Variants in FRMD7 observed in about 807,000 individuals in gnomAD.
The protein encoded by FRMD7 is FERM domain containing 7.
FRMD7 carries 14 observed loss-of-function variants against 44.1 expected under a neutral mutation model. That is an observed-to-expected ratio of 0.32 (90% CI 0.21 to 0.50). The LOEUF is 0.50. FRMD7 is among the 20% of genes least tolerant of loss of function. The pLI is 0.99. For missense variants in FRMD7, 501 were observed against 522.3 expected (o/e 0.96, Z 0.40); for synonymous variants, 212 against 187.4 (o/e 1.13, Z -1.07).
chrX:132,092,950 T>C (rs1164207225), intron 5 of FRMD7, among the ~76,000 whole-genome samples: 7 of 112,096 alleles, frequency 6.2e-5, no homozygotes, highest in Non-Finnish European at 1.1e-4. Context: ...TATACGTCAC[T>C]TCTTGTCTAA....
intron 1 of FRMD7, among the ~76,000 whole-genome samples, chrX:132,116,447 C>T (rs925291511): frequency 1.8e-5 from 2 of 111,984 alleles, no homozygotes; most frequent in Non-Finnish European, 3.8e-5. Context: ...TCTCTCAGAG[C>T]TCTTACAAGG....
chrX:132,106,560 A>T (rs930984766), intron 1 of FRMD7, among the ~76,000 whole-genome samples: 1 of 111,982 alleles, frequency 8.9e-6, no homozygotes, highest in East Asian at 2.8e-4. Context: ...TACCATAAAG[A>T]CATATGCACA....
rs1212578333 is a variant in FRMD7 at position 132,127,925 on chromosome X, T to C, written c.-81A>G. 1.2e-6 allele frequency: 1 copy of C among 836,675 alleles called. No individual in the cohort carries two copies. The highest frequency in any genetic ancestry group is 3.1e-5 in the East Asian group (1 of 31,997). The allele number at this position is 836,675 out of a possible 1,213,427, so 69.0% of individuals were successfully genotyped here. A position where few individuals can be genotyped will look rare whatever the true frequency, so the allele number is the denominator to read the frequency against. ...CAGGAATTTCACTCCCAGCTGGATG[T>C]GGTGCACTCGGGCCCCCCCACCCCC... On this transcript the variant is annotated 5_prime_UTR_variant, in exon 1 of 12. Transcript: ENST00000298542.
intron 4 of FRMD7, among the ~76,000 whole-genome samples, chrX:132,096,838 A>G (rs780881984): frequency 1.5e-3 from 171 of 111,433 alleles, no homozygotes; most frequent in African/African-American, 5.4e-3. Flanking sequence ...ACATTTTTTC[A>G]TAAGTATTTA....
intron 5 of FRMD7, among the ~76,000 whole-genome samples, chrX:132,090,531 A>G (rs1928135928): frequency 9.0e-6 from 1 of 111,414 alleles, no homozygotes; most frequent in Non-Finnish European, 1.9e-5. Context: ...CAGAAAGCAA[A>G]TTAGTGGTTG....
Position 132,097,254 on chromosome X carries a change from T to G in FRMD7, c.284+12A>C. ...GTAACATCATGCAGAGACACACAGG[T>G]AATCACTATACCTTGTAAGTTCTTC... On this transcript the variant is annotated intron_variant, in intron 4 of 11. Transcript: ENST00000298542. The G allele has an allele frequency of 4.6e-6, 5 of 1,090,476 alleles. No individual in the cohort carries two copies. 89.9% of individuals were successfully genotyped at this position (1,090,476 alleles called of 1,213,427 possible). A position where few individuals can be genotyped will look rare whatever the true frequency, so the allele number is the denominator to read the frequency against.
At chrX:132,123,523 T>A (rs1216035426) in intron 1 of FRMD7, among the ~76,000 whole-genome samples, 1 of 112,319 alleles carries the variant, frequency 8.9e-6, no homozygotes, top group Non-Finnish European at 1.9e-5. Context: ...CACTGTTGAC[T>A]AAACTACAAA....
At chrX:132,122,782 T>G (rs1929066571) in intron 1 of FRMD7, among the ~76,000 whole-genome samples, 1 of 112,237 alleles carries the variant, frequency 8.9e-6, no homozygotes, top group African/African-American at 3.2e-5. Context: ...ATATTTTTAT[T>G]AAATATAGTC....
At chrX:132,111,191 A>G (rs1157177842) in intron 1 of FRMD7, among the ~76,000 whole-genome samples, 1 of 112,317 alleles carries the variant, frequency 8.9e-6, no homozygotes, top group African/African-American at 3.2e-5. Flanking sequence ...AAAAATAAAT[A>G]TAAAAATTTA....
intron 1 of FRMD7, among the ~76,000 whole-genome samples, chrX:132,103,590 C>T (rs1321425147): frequency 5.4e-5 from 6 of 111,293 alleles, no homozygotes; most frequent in African/African-American, 1.6e-4. Context: ...TTTATTGGGT[C>T]ATAACAATTG....
chrX:132,121,056 A>G (rs1307319034), intron 1 of FRMD7, among the ~76,000 whole-genome samples: 2 of 111,796 alleles, frequency 1.8e-5, no homozygotes, highest in African/African-American at 6.5e-5. Context: ...TGATCTGCTC[A>G]GTCTGTTGGT....
chrX:132,108,331 C>T (rs969809091), intron 1 of FRMD7, among the ~76,000 whole-genome samples: 4 of 111,175 alleles, frequency 3.6e-5, no homozygotes, highest in African/African-American at 1.3e-4. Context: ...GGGATAGTTG[C>T]ACAACATAAT....
chrX:132,092,127 G>A (rs942283788), intron 5 of FRMD7, among the ~76,000 whole-genome samples: 1 of 111,865 alleles, frequency 8.9e-6, no homozygotes, highest in Non-Finnish European at 1.9e-5. Context: ...GCATGTGGTA[G>A]GTACATGATA....
At chrX:132,096,139 A>G (rs1294767133) in intron 4 of FRMD7, among the ~76,000 whole-genome samples, 1 of 111,859 alleles carries the variant, frequency 8.9e-6, no homozygotes, top group East Asian at 2.8e-4. Context: ...GTTATTTGGG[A>G]AAGTGGCCTG....
chrX:132,113,940 C>T (rs1476986950), intron 1 of FRMD7, among the ~76,000 whole-genome samples: 1 of 81,220 alleles, frequency 1.2e-5, no homozygotes, highest in Non-Finnish European at 2.3e-5. Context: ...TCTCCAACCC[C>T]CCACTACTCT....
chrX:132,121,222 T>C (rs1929026543), intron 1 of FRMD7, among the ~76,000 whole-genome samples: 2 of 111,734 alleles, frequency 1.8e-5, no homozygotes, highest in African/African-American at 6.5e-5. Flanking sequence ...GTCAGAAGCC[T>C]ACCATCTAAT....
intron 8 of FRMD7, among the ~76,000 whole-genome samples, chrX:132,084,140 A>G (rs961890305): frequency 8.9e-6 from 1 of 111,826 alleles, no homozygotes; most frequent in African/African-American, 3.3e-5. Context: ...TACTTTATAA[A>G]ATGGAACAGA....
At chrX:132,100,529 G>A (rs1313744739) in intron 2 of FRMD7, 83 bp downstream of exon 2, 9 of 642,672 alleles carry the variant, frequency 1.4e-5, no homozygotes, top group Non-Finnish European at 2.4e-5. Context: ...TTCAATCAGG[G>A]AATTGAACCC....
intron 1 of FRMD7, among the ~76,000 whole-genome samples, chrX:132,121,413 G>T (rs1303046032): frequency 1.8e-5 from 2 of 111,313 alleles, no homozygotes; most frequent in African/African-American, 6.5e-5. Flanking sequence ...TTACTGCTTG[G>T]ACATAAGAAG....
Sources: gnomAD v4.1 joint callset for allele counts (sites outside exome capture counted in the v4.1 genomes callset) on GRCh38, gnomAD v4.1.1 for gene constraint, MANE v1.5 for transcripts, NCBI Gene and HGNC (gene_info 2026-07-23, HGNC 2026-07-21) for gene names.